Variants in DMRT1 observed in about 807,000 individuals in gnomAD.
DMRT1 encodes the protein doublesex- and mab-3-related transcription factor 1.
A neutral mutation model predicts 32.3 loss-of-function variants in DMRT1; 7 were observed. The observed-to-expected ratio is 0.22, with a 90% confidence interval of 0.12 to 0.41. DMRT1 has a LOEUF of 0.41. Among genes scored for constraint, DMRT1 ranks in the 10% least tolerant of loss-of-function variants. The pLI, the probability that DMRT1 is intolerant of heterozygous loss-of-function variation, is 1.00. For missense variants in DMRT1, 625 were observed against 500.5 expected (o/e 1.25, Z -2.37); for synonymous variants, 278 against 206.1 (o/e 1.35, Z -2.99).
At chr9:842,230 G>GTTTTTTTTTTTTTTTTTTTTTTGTTT in intron 1 of DMRT1, 38 bp downstream of exon 1, 1 of 1,266,394 alleles carries the variant, frequency 7.9e-7, no homozygotes, top group Admixed American at 2.9e-5. Flanking sequence ...TTCAGCCTTA[G>GTTTTTTTTTTTTTTTTTTTTTTGTTT]TTTTTTTTTT....
At chr9:903,665 G>A (rs138803934) in intron 3 of DMRT1, among the ~76,000 whole-genome samples, 8 of 152,276 alleles carry the variant, frequency 5.3e-5, no homozygotes, top group East Asian at 1.9e-4. Flanking sequence ...GGAATATCCC[G>A]TAGCTACAGT....
intron 2 of DMRT1, among the ~76,000 whole-genome samples, chr9:864,122 G>A (rs749427): frequency 0.11 from 17,301 of 152,090 alleles, 1,354 homozygotes; most frequent in African/African-American, 0.22. Context: ...CTGTTGGTAG[G>A]CCATTCTTCA....
chr9:927,165 A>C (rs1260420308), intron 4 of DMRT1, among the ~76,000 whole-genome samples: 1 of 152,242 alleles, frequency 6.6e-6, no homozygotes, highest in Non-Finnish European at 1.5e-5. Context: ...GGCACGGCCC[A>C]GGCCAAGTAC....
At chr9:898,702 G>C (rs1014692282) in intron 3 of DMRT1, among the ~76,000 whole-genome samples, 2 of 152,224 alleles carry the variant, frequency 1.3e-5, no homozygotes, top group African/African-American at 2.4e-5. Flanking sequence ...GCTCAACCTT[G>C]AGGCCAGAAT....
chr9:967,271 C>A (rs762170113), intron 4 of DMRT1, among the ~76,000 whole-genome samples: 1 of 152,216 alleles, frequency 6.6e-6, no homozygotes, highest in Non-Finnish European at 1.5e-5. Flanking sequence ...AGTTGCTTAA[C>A]ACATTATTAC....
intron 2 of DMRT1, among the ~76,000 whole-genome samples, chr9:858,858 AAAAAAAAAAAAAAT>A (rs1032780214): frequency 2.6e-5 from 3 of 115,174 alleles, no homozygotes; most frequent in African/African-American, 1.0e-4. Context: ...TGTCTCAAAA[AAAAAAAAAAAAAAT>A]ATATATATAT....
At chr9:847,235 TAC>T in intron 2 of DMRT1, 92 bp downstream of exon 2, 1 of 1,342,944 alleles carries the variant, frequency 7.4e-7, no homozygotes, top group East Asian at 2.4e-5. Flanking sequence ...CTGAGCTACA[TAC>T]AGTGTTTAGA....
rs200217569 is a variant in DMRT1, at chr9:894,058, C to A, written c.685C>A (p.Pro229Thr). ...FPYYNNLYNCPQYSMALAADS... is the reference protein window; with the variant it reads ...FPYYNNLYNCTQYSMALAADS... Reference sequence around the variant, plus strand: ...TTATTACAACAATCTATACAACTGCCCGCAGTACTCCATGGCCTTGGCTGC... The same window carrying A: ...TTATTACAACAATCTATACAACTGCACGCAGTACTCCATGGCCTTGGCTGC... Residue 229 changes from proline to threonine, a missense_variant, in exon 3 of 5, where the codon CCG (proline) becomes ACG (threonine). By Grantham distance (38) the Pro-to-Thr change is conservative (BLOSUM62 -1). Coordinates refer to ENST00000382276, the MANE Select transcript of DMRT1 (RefSeq NM_021951.3). 26 of 1,614,274 alleles carry A rather than the reference C, an allele frequency of 1.6e-5. No individual in the cohort carries two copies. In the East Asian group the frequency reaches 5.6e-4, roughly 35 times the overall value.
At chr9:899,310 T>C (rs1050573886) in intron 3 of DMRT1, among the ~76,000 whole-genome samples, 3 of 152,006 alleles carry the variant, frequency 2.0e-5, no homozygotes, top group Non-Finnish European at 4.4e-5. Flanking sequence ...TTCTTAGAGA[T>C]GAGTAGAAAG....
chr9:863,239 C>T (rs191941376), intron 2 of DMRT1, among the ~76,000 whole-genome samples: 104 of 150,768 alleles, frequency 6.9e-4, no homozygotes, highest in African/African-American at 2.5e-3. Context: ...GATTGCCTGA[C>T]CCCAGGATTT....
intron 3 of DMRT1, among the ~76,000 whole-genome samples, chr9:912,211 T>C (rs1818015018): frequency 6.6e-6 from 1 of 152,174 alleles, no homozygotes; most frequent in East Asian, 1.9e-4. Flanking sequence ...CTCCATATCA[T>C]GAGAACAGAT....
At chr9:868,117 A>G (rs115995010) in intron 2 of DMRT1, among the ~76,000 whole-genome samples, 1,647 of 152,296 alleles carry the variant, frequency 0.011, 16 homozygotes, top group Middle Eastern at 0.061. Context: ...AGCTGGGACT[A>G]CAGGCGCAAG....
intron 4 of DMRT1, among the ~76,000 whole-genome samples, chr9:962,422 C>T (rs546892488): frequency 6.6e-6 from 1 of 152,210 alleles, no homozygotes; most frequent in Admixed American, 6.5e-5. Context: ...GGTAGGGCTG[C>T]TGCCATGGAC....
Position 956,579 on chromosome 9 carries a change from A to C in DMRT1, c.968-11406A>C, listed in dbSNP as rs4740979. On this transcript the variant is annotated intron_variant, in intron 4 of 4. Coordinates refer to ENST00000382276, the MANE Select transcript of DMRT1 (RefSeq NM_021951.3). ...ACCCTGTCTCAAAAAAAAAAAAAAC[A>C]AAAAACAAAAAACCCAAAATTTAAA... Among the ~76,000 whole-genome samples the C allele has an allele frequency of 2.9e-3, 298 of 102,360 alleles. 2 individuals are homozygous for C. The highest frequency in any genetic ancestry group is 0.014 in the African/African-American group (290 of 20,926). 67.2% of individuals were successfully genotyped at this position (102,360 alleles called of 152,430 possible). A position where few individuals can be genotyped will look rare whatever the true frequency, so the allele number is the denominator to read the frequency against.
intron 2 of DMRT1, among the ~76,000 whole-genome samples, chr9:853,004 T>G (rs4740943): frequency 3.3e-5 from 5 of 152,140 alleles, no homozygotes; most frequent in African/African-American, 1.2e-4. Flanking sequence ...GAAAATGGAA[T>G]AGTATCCCAT....
chr9:882,931 C>A (rs1005611824), intron 2 of DMRT1, among the ~76,000 whole-genome samples: 4 of 151,580 alleles, frequency 2.6e-5, no homozygotes, highest in Non-Finnish European at 4.4e-5. Context: ...GCCACCATGC[C>A]CGGCTAATTT....
intron 4 of DMRT1, among the ~76,000 whole-genome samples, chr9:928,487 C>A (rs1365467905): frequency 6.6e-6 from 1 of 152,142 alleles, no homozygotes; most frequent in African/African-American, 2.4e-5. Context: ...GTTGCAGTGT[C>A]TTCTTACTAG....
At chr9:877,306 C>T (rs1003503184) in intron 2 of DMRT1, among the ~76,000 whole-genome samples, 3 of 152,188 alleles carry the variant, frequency 2.0e-5, no homozygotes, top group Middle Eastern at 3.4e-3. Context: ...GGTTTTGAAC[C>T]GTGTAATACC....
Position 894,075 on chromosome 9 carries a change from C to G in DMRT1, c.702C>G (p.Ala234=). The change falls in exon 3 of 5, where the codon GCC becomes GCG. Residue 234 remains alanine, a synonymous_variant. Transcript: ENST00000382276. ...ACAACTGCCCGCAGTACTCCATGGC[C>G]TTGGCTGCTGATTCTGCTTCTGGGG... is the stretch of plus-strand genomic sequence containing the variant. The part of the protein sequence containing the change: ...NLYNCPQYSM[A]LAADSASGEV... 6.2e-7 allele frequency: 1 copy of G among 1,614,264 alleles called. No homozygotes were observed. Among genetic ancestry groups the G allele is most frequent in the Non-Finnish European group, 8.5e-7 (1 of 1,180,060 alleles).
Sources: allele counts gnomAD v4.1 joint callset (sites outside exome capture counted in the v4.1 genomes callset), GRCh38; gene constraint gnomAD v4.1.1; transcripts MANE v1.5; gene names NCBI Gene and HGNC (gene_info 2026-07-23, HGNC 2026-07-21).